OLFM2: variants seen among roughly 807,000 people sequenced by gnomAD.
OLFM2 encodes olfactomedin 2.
Under a neutral mutation model 43.9 loss-of-function variants are expected in OLFM2, and 20 were observed. The ratio of observed to expected loss-of-function variants is 0.46; its 90% CI spans 0.32 to 0.66. The LOEUF (loss-of-function observed/expected upper bound fraction) is 0.66, where lower values mean the gene tolerates loss of function less well. OLFM2 is among the 30% of genes least tolerant of loss of function. OLFM2 has a pLI of 0.04. For synonymous variants in OLFM2, 268 were observed against 278.6 expected, an observed-to-expected ratio of 0.96 and a Z score of 0.38; for missense variants, 416 against 643.6, an observed-to-expected ratio of 0.65 and a Z score of 3.83.
rs1227983786 is a variant in OLFM2 at position 9,853,831 on chromosome 19, G to A, written c.*355C>T. 8.1e-6 allele frequency: 4 copies of A among 493,852 alleles called. No individual in the cohort carries two copies. Among genetic ancestry groups the A allele is most frequent in the Non-Finnish European group, 1.4e-5 (4 of 283,674 alleles). 30.6% of individuals were successfully genotyped at this position (493,852 alleles called of 1,614,324 possible). ...GGGGTGGGGGTGGGGGTGGGAGTGA[G>A]GGATGAGGAATGGGTGGGAAGCAAG... On this transcript the variant is annotated 3_prime_UTR_variant, in exon 6 of 6. Transcript: ENST00000264833.
At chr19:9,866,397 C>T (rs553049757) in intron 1 of OLFM2, among the ~76,000 whole-genome samples, 76 of 152,148 alleles carry the variant, frequency 5.0e-4, no homozygotes, top group Middle Eastern at 3.4e-3. Context: ...ATGCTTACAA[C>T]AGCAGGTGCA....
intron 1 of OLFM2, among the ~76,000 whole-genome samples, chr19:9,906,712 C>A (rs2046788404): frequency 6.6e-6 from 1 of 152,122 alleles, no homozygotes; most frequent in African/African-American, 2.4e-5. Flanking sequence ...AGAGTGGGGA[C>A]AGATGGACGT....
At chr19:9,905,942 C>T (rs1385299337) in intron 1 of OLFM2, among the ~76,000 whole-genome samples, 2 of 152,208 alleles carry the variant, frequency 1.3e-5, no homozygotes, top group South Asian at 2.1e-4. Context: ...TCAGACATTC[C>T]GCACACAAGA....
chr19:9,929,439 T>C lies in OLFM2; in HGVS notation c.63+6865A>G, dbSNP rs2086470484. ...AGAGAAACCCTGTCTCTACTAAAAA[T>C]GTAAACATTAGGTGGGTGTGGTGGT... is the stretch of plus-strand genomic sequence containing the variant. On this transcript the variant is annotated intron_variant, in intron 1 of 5. Coordinates refer to ENST00000264833, the MANE Select transcript of OLFM2 (RefSeq NM_058164.4). Among the ~76,000 whole-genome samples, 12 of 151,038 alleles carry C rather than the reference T, an allele frequency of 7.9e-5. No homozygotes were observed. In the South Asian group the frequency reaches 2.5e-3, roughly 32 times the overall value.
At position 9,856,698 on chromosome 19, in the gene OLFM2, A is replaced by C; in HGVS notation, c.687+109T>G. 1 of 856,348 alleles carries C rather than the reference A, an allele frequency of 1.2e-6. No individual in the cohort carries two copies. The allele number at this position is 856,348 out of a possible 1,614,324, so 53.0% of individuals were successfully genotyped here. A position where few individuals can be genotyped will look rare whatever the true frequency, so the allele number is the denominator to read the frequency against. On this transcript the variant is annotated intron_variant, in intron 5 of 5. Transcript: ENST00000264833. The surrounding 1 kb of genome is among the most constrained non-coding windows in gnomAD (Gnocchi z 4.0). ...CCAATGGCCCTGGGGGATCCAGGAC[A>C]CTTTGGGCTACAAGACAGTCACCAG...
intron 1 of OLFM2, among the ~76,000 whole-genome samples, chr19:9,923,663 G>C (rs1011836982): frequency 6.9e-6 from 1 of 144,516 alleles, no homozygotes; most frequent in African/African-American, 2.8e-5. Context: ...GAAAAGAAAA[G>C]AAAGAAAAAA....
intron 1 of OLFM2, among the ~76,000 whole-genome samples, chr19:9,900,387 G>A (rs1008345563): frequency 5.9e-5 from 9 of 152,110 alleles, no homozygotes; most frequent in African/African-American, 1.9e-4. Context: ...ACAAGCACAC[G>A]CAGGAGGTGT....
At chr19:9,902,790 C>G (rs1017975502) in intron 1 of OLFM2, among the ~76,000 whole-genome samples, 4 of 152,066 alleles carry the variant, frequency 2.6e-5, no homozygotes, top group African/African-American at 9.7e-5. Context: ...ACTGGAGCCT[C>G]GACTTCCTGA....
At chr19:9,870,723 C>A (rs2046435339) in intron 1 of OLFM2, among the ~76,000 whole-genome samples, 1 of 152,124 alleles carries the variant, frequency 6.6e-6, no homozygotes, top group African/African-American at 2.4e-5. Flanking sequence ...GCGTTCAGGT[C>A]TCTTCCAAAA....
In OLFM2 at chr19:9,936,412, C is replaced by G. The variant is rs769795954; in HGVS notation, c.-46G>C. 1.6e-6 allele frequency: 2 copies of G among 1,216,840 alleles called. No homozygotes were observed. The highest frequency in any genetic ancestry group is 5.6e-5 in the South Asian group (2 of 35,654). 75.4% of individuals were successfully genotyped at this position (1,216,840 alleles called of 1,614,324 possible). A position where few individuals can be genotyped will look rare whatever the true frequency, so the allele number is the denominator to read the frequency against. On this transcript the variant is annotated 5_prime_UTR_variant, in exon 1 of 6. Transcript: ENST00000264833. ...TCCCGACCCCCGCCCGCCCTAGCGG[C>G]GCCTCGGCGCGGGGACCGCCACCAG... is the stretch of plus-strand genomic sequence containing the variant.
chr19:9,889,842 G>C (rs1276947207), intron 1 of OLFM2, among the ~76,000 whole-genome samples: 2 of 152,128 alleles, frequency 1.3e-5, no homozygotes, highest in African/African-American at 4.8e-5. Flanking sequence ...TGCAGTTGAA[G>C]CAATGTTGTG....
At chr19:9,889,985 G>A (rs2046623897) in intron 1 of OLFM2, among the ~76,000 whole-genome samples, 1 of 151,714 alleles carries the variant, frequency 6.6e-6, no homozygotes, top group African/African-American at 2.4e-5. Context: ...TTCCTGCCTT[G>A]GAATATTTGA....
At chr19:9,912,703 G>C (rs530480009) in intron 1 of OLFM2, among the ~76,000 whole-genome samples, 1 of 152,112 alleles carries the variant, frequency 6.6e-6, no homozygotes, top group South Asian at 2.1e-4. Context: ...AGCCTCAAAG[G>C]GGGATGGGAT....
At position 9,857,773 on chromosome 19, in the gene OLFM2, C is replaced by T. The variant is rs747039721; in HGVS notation, c.302G>A (p.Arg101Gln). 1.7e-5 allele frequency: 28 copies of T among 1,614,032 alleles called. No homozygotes were observed. The highest frequency in any genetic ancestry group is 6.7e-5 in the African/African-American group (5 of 74,912). The part of the protein sequence containing the change: ...QYVRGMETLM[R>Q]SLDARLRAAD... ...TGCCCGGAGCCGCGCATCCAGGCTC[C>T]GCATGAGGGTCTCCATGCCGCGTAC... Residue 101 changes from arginine to glutamine, a missense_variant, in exon 3 of 6, where the codon CGG becomes CAG. Transcript: ENST00000264833. This position sits in a 1 kb window ranked among gnomAD's most constrained non-coding sequence, Gnocchi z 5.7.
chr19:9,900,210 A>AT (rs2046719600), intron 1 of OLFM2, among the ~76,000 whole-genome samples: 2 of 152,144 alleles, frequency 1.3e-5, no homozygotes, highest in Non-Finnish European at 2.9e-5. Context: ...CAGGAGGCAA[A>AT]TGAAAATGAA....
intron 1 of OLFM2, among the ~76,000 whole-genome samples, chr19:9,913,155 C>T (rs921372129): frequency 9.9e-5 from 15 of 152,162 alleles, no homozygotes; most frequent in Admixed American, 7.9e-4. Flanking sequence ...TTCTGCAGCC[C>T]TTGTCGCCTC....
chr19:9,895,065 G>A (rs182158319), intron 1 of OLFM2, among the ~76,000 whole-genome samples: 3 of 152,090 alleles, frequency 2.0e-5, no homozygotes, highest in East Asian at 1.9e-4. Context: ...TCAGACACCC[G>A]GGCATTATCC....
intron 1 of OLFM2, among the ~76,000 whole-genome samples, chr19:9,880,648 CAT>C (rs1401469400): frequency 1.1e-4 from 16 of 152,222 alleles, no homozygotes; most frequent in African/African-American, 3.4e-4. Context: ...AAGACACACA[CAT>C]AGGAAAAGAC....
chr19:9,917,010 G>C (rs564947658), intron 1 of OLFM2, among the ~76,000 whole-genome samples: 1 of 152,124 alleles, frequency 6.6e-6, no homozygotes, highest in South Asian at 2.1e-4. Context: ...TATCTTTCAG[G>C]GCTTTGTCCT....
Sources: gnomAD v4.1 joint callset for allele counts (sites outside exome capture counted in the v4.1 genomes callset) on GRCh38, gnomAD v4.1.1 for gene constraint, Gnocchi (gnomAD v3.1) non-coding constraint, MANE v1.5 for transcripts, NCBI Gene and HGNC (gene_info 2026-07-23, HGNC 2026-07-21) for gene names.